Variants in RUFY1 observed in about 807,000 individuals in gnomAD.
The protein encoded by RUFY1 is RUN and FYVE domain-containing protein 1.
Under a neutral mutation model 94.6 loss-of-function variants are expected in RUFY1, and 54 were observed. The observed-to-expected ratio is 0.57, with a 90% CI of 0.46 to 0.72. The LOEUF is 0.72. Ranked by LOEUF, RUFY1 falls within the 30% of genes least tolerant of loss-of-function variation. RUFY1 has a pLI of 0.00. For synonymous variants in RUFY1, 396 were observed against 347.3 expected (o/e 1.14, Z -1.56); for missense variants, 883 against 883.9 (o/e 1.00, Z 0.01).
intron 15 of RUFY1, among the ~76,000 whole-genome samples, chr5:179,605,236 A>G (rs1269480986): frequency 6.7e-6 from 1 of 149,890 alleles, no homozygotes; most frequent in Non-Finnish European, 1.5e-5. Context: ...CCATGATTGC[A>G]CCACTGCATT....
intron 10 of RUFY1, among the ~76,000 whole-genome samples, chr5:179,592,912 G>A (rs1369514475): frequency 6.6e-6 from 1 of 152,150 alleles, no homozygotes; most frequent in Non-Finnish European, 1.5e-5. Context: ...GGAAAACATG[G>A]TTGCTGGAAC....
intron 13 of RUFY1, among the ~76,000 whole-genome samples, chr5:179,597,167 C>T (rs1314556434): frequency 6.6e-6 from 1 of 152,190 alleles, no homozygotes; most frequent in Non-Finnish European, 1.5e-5. Flanking sequence ...ATTCTTGTGC[C>T]TCAGCCTCCT....
chr5:179,561,241 T>A (rs956034176), intron 2 of RUFY1, among the ~76,000 whole-genome samples: 27 of 151,850 alleles, frequency 1.8e-4, no homozygotes, highest in African/African-American at 5.8e-4. Context: ...ATTAATTAAT[T>A]AATTAAAACA....
chr5:179,605,105 C>T (rs1766923135), intron 15 of RUFY1, among the ~76,000 whole-genome samples: 1 of 151,940 alleles, frequency 6.6e-6, no homozygotes, highest in Non-Finnish European at 1.5e-5. Flanking sequence ...ATGGCAAAAC[C>T]CCACCTCTAG....
rs1248367043 is a variant in RUFY1 at position 179,609,897 on chromosome 5, G to GTTT, written c.*379_*381dup. On this transcript the variant is annotated 3_prime_UTR_variant, in exon 18 of 18. Transcript: ENST00000319449. ...TCTAAAAACCTGATTCATGCACAGC[G>GTTT]TTTGACACACATGGAGTCTGCCAGT... 1 of 175,126 alleles carries GTTT rather than the reference G, an allele frequency of 5.7e-6. No homozygotes were observed. Among genetic ancestry groups the GTTT allele is most frequent in the Non-Finnish European group, 1.2e-5 (1 of 83,264 alleles). The allele number at this position is 175,126 out of a possible 1,614,324, so 10.8% of individuals were successfully genotyped here. A position where few individuals can be genotyped will look rare whatever the true frequency, so the allele number is the denominator to read the frequency against.
At chr5:179,566,003 G>C (rs781247261) in intron 3 of RUFY1, among the ~76,000 whole-genome samples, 9 of 152,006 alleles carry the variant, frequency 5.9e-5, no homozygotes, top group Non-Finnish European at 7.4e-5. Context: ...AGTTGGGTGT[G>C]GTAGCACGTG....
At chr5:179,607,490 T>A in intron 16 of RUFY1, 92 bp from the exon 17 acceptor site, 1 of 997,770 alleles carries the variant, frequency 1.0e-6, no homozygotes. Context: ...AAACAGGTGC[T>A]ATGAGGGACA....
At chr5:179,595,287 G>A (rs1017237109) in intron 12 of RUFY1, among the ~76,000 whole-genome samples, 9 of 152,142 alleles carry the variant, frequency 5.9e-5, no homozygotes, top group Non-Finnish European at 7.4e-5. Context: ...AGACCATCCC[G>A]GCTAAAACGG....
chr5:179,562,292 C>G (rs1411808965), intron 2 of RUFY1, among the ~76,000 whole-genome samples: 2 of 152,032 alleles, frequency 1.3e-5, no homozygotes, highest in Non-Finnish European at 2.9e-5. Flanking sequence ...CCTGTAACCC[C>G]AGCTACTCAG....
intron 16 of RUFY1, 154 bp downstream of exon 16, chr5:179,606,078 G>A (rs1021502660): frequency 1.1e-5 from 7 of 618,802 alleles, no homozygotes; most frequent in African/African-American, 7.4e-5. Context: ...GCTCAGAAAC[G>A]TGTCCCTCGG....
chr5:179,582,460 C>T (rs1320345490), intron 7 of RUFY1, among the ~76,000 whole-genome samples: 3 of 152,166 alleles, frequency 2.0e-5, no homozygotes, highest in Admixed American at 6.5e-5. Flanking sequence ...CTCTTGGCCT[C>T]AAGCAATCTT....
At chr5:179,594,299 CG>C (rs200617223) in intron 11 of RUFY1, among the ~76,000 whole-genome samples, 49 of 142,526 alleles carry the variant, frequency 3.4e-4, no homozygotes, top group Admixed American at 3.4e-3. Flanking sequence ...AACTCCAACT[CG>C]GGGGAAAAAA....
chr5:179,607,357 G>A, intron 16 of RUFY1: 1 of 563,688 alleles, frequency 1.8e-6, no homozygotes, highest in Non-Finnish European at 3.2e-6. Flanking sequence ...GCAGCCTGCA[G>A]AGGCCAAGAG....
intron 15 of RUFY1, among the ~76,000 whole-genome samples, chr5:179,604,166 T>C (rs6892293): frequency 0.99 from 151,485 of 152,370 alleles, 75,313 homozygotes; most frequent in East Asian, 1. Context: ...TCCCTCCCAG[T>C]GAGTGCTGTG....
intron 7 of RUFY1, among the ~76,000 whole-genome samples, chr5:179,583,443 G>A (rs1764331957): frequency 6.8e-6 from 1 of 148,050 alleles, no homozygotes; most frequent in Non-Finnish European, 1.5e-5. Context: ...TTAAGACGGA[G>A]TTTTGCTCTG....
intron 5 of RUFY1, among the ~76,000 whole-genome samples, chr5:179,574,724 T>C (rs951792771): frequency 6.6e-6 from 1 of 152,214 alleles, no homozygotes. Context: ...CTCACTGTTC[T>C]CATTTATAAT....
intron 6 of RUFY1, among the ~76,000 whole-genome samples, chr5:179,579,659 T>TTTTC (rs1311857062): frequency 1.2e-5 from 1 of 81,642 alleles, no homozygotes; most frequent in Non-Finnish European, 2.4e-5. Context: ...TTCTTCTTCT[T>TTTTC]TTTTTTTTTT....
chr5:179,603,340 C>T (rs2127573277), intron 15 of RUFY1, among the ~76,000 whole-genome samples: 1 of 152,190 alleles, frequency 6.6e-6, no homozygotes, highest in African/African-American at 2.4e-5. Context: ...CTCCCAGATG[C>T]AGGTGCTGGC....
intron 6 of RUFY1, among the ~76,000 whole-genome samples, chr5:179,580,241 G>GTGTGTGTGTGTGTGTATA (rs149099074): frequency 2.7e-4 from 25 of 93,882 alleles, no homozygotes; most frequent in Non-Finnish European, 4.7e-4. Flanking sequence ...GTGTGTGTGT[G>GTGTGTGTGTGTGTGTATA]TATATTTTTT....
Sources: gnomAD v4.1 joint callset for allele counts (sites outside exome capture counted in the v4.1 genomes callset) on GRCh38, gnomAD v4.1.1 for gene constraint, MANE v1.5 for transcripts, NCBI Gene and HGNC (gene_info 2026-07-23, HGNC 2026-07-21) for gene names.